Variants in PPARGC1A observed in about 807,000 individuals in gnomAD.
The protein encoded by PPARGC1A is peroxisome proliferator-activated receptor gamma coactivator 1-alpha.
A neutral mutation model predicts 88.7 loss-of-function variants in PPARGC1A; 25 were observed. The observed-to-expected ratio is 0.28, with a 90% CI of 0.21 to 0.39. The LOEUF (loss-of-function observed/expected upper bound fraction) is 0.39. Among genes scored for constraint, PPARGC1A ranks in the 10% least tolerant of loss-of-function variants. PPARGC1A has a pLI of 1.00. For synonymous variants in PPARGC1A, 363 were observed against 355.6 expected, an observed-to-expected ratio of 1.02 and a Z score of -0.24; for missense variants, 880 against 968.7, an observed-to-expected ratio of 0.91 and a Z score of 1.22.
At chr4:24,332,107 T>TG in the PPARGC1A span, among the ~76,000 whole-genome samples, 18 of 123,446 alleles carry the variant, frequency 1.5e-4, no homozygotes, top group African/African-American at 2.9e-4. Flanking sequence ...AGAAGAACAG[T>TG]GGGTTTTTTT....
chr4:24,266,233 A>C, the PPARGC1A span, among the ~76,000 whole-genome samples: 2 of 152,142 alleles, frequency 1.3e-5, no homozygotes, highest in African/African-American at 4.8e-5. Flanking sequence ...CTGCCCAGTG[A>C]ATAAGTTGCA....
At chr4:24,167,310 G>T in the PPARGC1A span, among the ~76,000 whole-genome samples, 1 of 152,198 alleles carries the variant, frequency 6.6e-6, no homozygotes, top group African/African-American at 2.4e-5. Flanking sequence ...TTTCATGGAT[G>T]AAGAGTTGCT....
the PPARGC1A span, among the ~76,000 whole-genome samples, chr4:24,370,210 A>AT: frequency 6.6e-6 from 1 of 152,106 alleles, no homozygotes; most frequent in African/African-American, 2.4e-5. Flanking sequence ...TGGTAACAAA[A>AT]TTTTTTCTAC....
the PPARGC1A span, among the ~76,000 whole-genome samples, chr4:24,179,798 G>C: frequency 6.6e-6 from 1 of 152,120 alleles, no homozygotes; most frequent in Non-Finnish European, 1.5e-5. Context: ...GATAGTCAAG[G>C]CTGTCTCAAC....
chr4:24,182,459 C>T, the PPARGC1A span, among the ~76,000 whole-genome samples: 2 of 152,122 alleles, frequency 1.3e-5, no homozygotes, highest in Non-Finnish European at 2.9e-5. Context: ...AATAAACATA[C>T]GTGTGCATGT....
At chr4:23,839,683 A>T (rs887910669) in intron 2 of PPARGC1A, among the ~76,000 whole-genome samples, 3 of 152,166 alleles carry the variant, frequency 2.0e-5, no homozygotes, top group Non-Finnish European at 4.4e-5. Context: ...GAGACTGGGC[A>T]ATTTACAAGA....
the PPARGC1A span, among the ~76,000 whole-genome samples, chr4:24,439,587 C>T: frequency 8.5e-5 from 13 of 152,130 alleles, no homozygotes; most frequent in Non-Finnish European, 1.8e-4. Context: ...GACTATATGG[C>T]CACCATCTGG....
intron 10 of PPARGC1A, among the ~76,000 whole-genome samples, chr4:23,809,847 A>G (rs1720542951): frequency 6.6e-6 from 1 of 151,990 alleles, no homozygotes; most frequent in Non-Finnish European, 1.5e-5. Context: ...TCCCTTTAGG[A>G]TTTGGATCAG....
At chr4:24,202,545 A>G in the PPARGC1A span, among the ~76,000 whole-genome samples, 1 of 152,228 alleles carries the variant, frequency 6.6e-6, no homozygotes, top group Non-Finnish European at 1.5e-5. Flanking sequence ...TCTTCTACAT[A>G]GTGGACACAT....
At chr4:24,374,886 C>T in the PPARGC1A span, among the ~76,000 whole-genome samples, 2 of 151,996 alleles carry the variant, frequency 1.3e-5, no homozygotes, top group Non-Finnish European at 2.9e-5. Context: ...CAATTCCACT[C>T]CTAAGTATAT....
At chr4:24,205,319 A>G in the PPARGC1A span, among the ~76,000 whole-genome samples, 1 of 152,168 alleles carries the variant, frequency 6.6e-6, no homozygotes, top group African/African-American at 2.4e-5. Flanking sequence ...CCCTTAGAAC[A>G]TAATAAGAGC....
At chr4:24,080,231 G>C in the PPARGC1A span, among the ~76,000 whole-genome samples, 1 of 151,966 alleles carries the variant, frequency 6.6e-6, no homozygotes, top group Non-Finnish European at 1.5e-5. Flanking sequence ...TATTCTGGGA[G>C]TTGTACTGTT....
the PPARGC1A span, among the ~76,000 whole-genome samples, chr4:24,105,799 G>A: frequency 1.3e-5 from 2 of 152,178 alleles, no homozygotes; most frequent in Non-Finnish European, 2.9e-5. Context: ...CCAAGCCGGA[G>A]ATGTAAATAC....
chr4:24,423,178 C>G, the PPARGC1A span, among the ~76,000 whole-genome samples: 2 of 152,170 alleles, frequency 1.3e-5, no homozygotes, highest in Admixed American at 6.5e-5. Context: ...ATCATTGCTC[C>G]TCCCTCTGGA....
At chr4:24,344,492 G>A in the PPARGC1A span, among the ~76,000 whole-genome samples, 6,586 of 152,034 alleles carry the variant, frequency 0.043, 514 homozygotes, top group African/African-American at 0.15. Context: ...GCATTTCCCT[G>A]ATCATTAGTG....
chr4:23,918,664 G>T, the PPARGC1A span, among the ~76,000 whole-genome samples: 2 of 152,108 alleles, frequency 1.3e-5, no homozygotes, highest in Admixed American at 6.5e-5. Context: ...CATTGCTCTG[G>T]TCAGGAAGAT....
chr4:24,021,721 C>T, the PPARGC1A span, among the ~76,000 whole-genome samples: 4 of 152,170 alleles, frequency 2.6e-5, no homozygotes, highest in Non-Finnish European at 5.9e-5. Context: ...AACAACTGTC[C>T]TACCTTAAAG....
chr4:24,400,509 G>A, the PPARGC1A span, among the ~76,000 whole-genome samples: 1 of 152,054 alleles, frequency 6.6e-6, no homozygotes, highest in African/African-American at 2.4e-5. Flanking sequence ...AATTGTCTAA[G>A]TTAATACTTA....
the PPARGC1A span, among the ~76,000 whole-genome samples, chr4:24,156,151 G>A: frequency 7.9e-5 from 12 of 152,042 alleles, no homozygotes; most frequent in African/African-American, 1.9e-4. Flanking sequence ...TCAAATCAAC[G>A]ACACAGCTGG....
Sources: gnomAD v4.1 joint callset for allele counts (sites outside exome capture counted in the v4.1 genomes callset) on GRCh38, gnomAD v4.1.1 for gene constraint, MANE v1.5 for transcripts, NCBI Gene and HGNC (gene_info 2026-07-23, HGNC 2026-07-21) for gene names.